RGL1: variants seen among roughly 807,000 people sequenced by gnomAD.
RGL1 encodes the protein ral guanine nucleotide dissociation stimulator-like 1.
A neutral mutation model predicts 95.2 loss-of-function variants in RGL1; 24 were observed. That is an observed-to-expected ratio of 0.25 (90% CI 0.18 to 0.35). The LOEUF (loss-of-function observed/expected upper bound fraction) is 0.35, where lower values mean the gene tolerates loss of function less well. Among genes scored for constraint, RGL1 ranks in the 10% least tolerant of loss-of-function variants. The pLI is 1.00. For synonymous variants in RGL1, 329 were observed against 344.9 expected, an observed-to-expected ratio of 0.95 and a Z score of 0.51; for missense variants, 715 against 936.3, an observed-to-expected ratio of 0.76 and a Z score of 3.08.
intron 14 of RGL1, among the ~76,000 whole-genome samples, chr1:183,907,598 C>T (rs1235692352): frequency 6.6e-6 from 1 of 152,162 alleles, no homozygotes; most frequent in Non-Finnish European, 1.5e-5. Context: ...CTGAAATGCT[C>T]TTTCTTCATG....
chr1:183,860,819 C>A (rs531975398), intron 3 of RGL1, among the ~76,000 whole-genome samples: 42 of 152,286 alleles, frequency 2.8e-4, no homozygotes, highest in African/African-American at 1.0e-3. Context: ...TTGTTTGCTG[C>A]TGTATCCTCA....
intron 6 of RGL1, 147 bp from the exon 7 acceptor site, chr1:183,884,576 G>A: frequency 1.5e-6 from 1 of 656,746 alleles, no homozygotes; most frequent in South Asian, 1.9e-5. Flanking sequence ...ACTTTTGTCT[G>A]TTGAAATGGA....
intron 7 of RGL1, among the ~76,000 whole-genome samples, chr1:183,885,570 T>C (rs1365540700): frequency 6.6e-6 from 1 of 152,200 alleles, no homozygotes; most frequent in East Asian, 1.9e-4. Flanking sequence ...ACTGCTTACA[T>C]ACCATAGGAC....
intron 1 of RGL1, among the ~76,000 whole-genome samples, chr1:183,734,622 T>G (rs1190761109): frequency 6.6e-6 from 1 of 152,170 alleles, no homozygotes; most frequent in Non-Finnish European, 1.5e-5. Context: ...CTCCTAATGG[T>G]TTTTGCATTT....
At chr1:183,652,958 T>C (rs1317835104) in intron 1 of RGL1, 1 of 152,234 alleles carries the variant, frequency 6.6e-6, no homozygotes, top group African/African-American at 2.4e-5. Flanking sequence ...TAGGATTTAG[T>C]GAGTACTGTT....
At chr1:183,810,878 C>CTGG (rs1661663893) in intron 2 of RGL1, among the ~76,000 whole-genome samples, 1 of 152,172 alleles carries the variant, frequency 6.6e-6, no homozygotes, top group Non-Finnish European at 1.5e-5. Context: ...TTCTGCGTCT[C>CTGG]ACTGTTGTGC....
intron 4 of RGL1, among the ~76,000 whole-genome samples, chr1:183,877,705 A>G (rs1013684453): frequency 2.6e-5 from 4 of 152,186 alleles, no homozygotes; most frequent in African/African-American, 9.7e-5. Context: ...CTGATTGAGT[A>G]TCTGAGTTTG....
intron 1 of RGL1, among the ~76,000 whole-genome samples, chr1:183,738,526 C>CA (rs1371145681): frequency 6.6e-6 from 1 of 152,074 alleles, no homozygotes; most frequent in Admixed American, 6.5e-5. Flanking sequence ...TTAATTTTAA[C>CA]AAAAAAATGA....
rs1003506975 is a variant in RGL1 at position 183,926,929 on chromosome 1, T to A, written c.*637T>A. On this transcript the variant is annotated 3_prime_UTR_variant, in exon 18 of 18. Coordinates refer to ENST00000360851, the MANE Select transcript of RGL1 (RefSeq NM_001297671.3). Reference sequence around the variant, plus strand: ...GGATGAGCTGGTGGCCTTCAACCTCTGCCTGCATCTGCCACTTTCTGCTAC... The same window carrying A: ...GGATGAGCTGGTGGCCTTCAACCTCAGCCTGCATCTGCCACTTTCTGCTAC... 2 of 152,662 alleles carry A rather than the reference T, an allele frequency of 1.3e-5. No individual in the cohort carries two copies. The highest frequency in any genetic ancestry group is 2.9e-5 in the Non-Finnish European group (2 of 68,086). The allele number at this position is 152,662 out of a possible 1,614,324, so 9.5% of individuals were successfully genotyped here. A position where few individuals can be genotyped will look rare whatever the true frequency, so the allele number is the denominator to read the frequency against.
chr1:183,901,867 AC>A (rs1668045551), intron 11 of RGL1, among the ~76,000 whole-genome samples: 1 of 152,106 alleles, frequency 6.6e-6, no homozygotes. Context: ...AGTATATACT[AC>A]CCCCTTGTTA....
intron 10 of RGL1, among the ~76,000 whole-genome samples, chr1:183,899,312 A>G (rs1667882860): frequency 6.6e-6 from 1 of 152,138 alleles, no homozygotes; most frequent in Admixed American, 6.6e-5. Flanking sequence ...CCAGGACCCA[A>G]TCCGGCATAC....
intron 2 of RGL1, among the ~76,000 whole-genome samples, chr1:183,845,484 AT>A (rs1664359592): frequency 6.6e-6 from 1 of 152,232 alleles, no homozygotes; most frequent in African/African-American, 2.4e-5. Context: ...CCAAGGTACA[AT>A]TATATCTACC....
chr1:183,845,565 T>C (rs1215432019), intron 2 of RGL1, among the ~76,000 whole-genome samples: 3 of 152,214 alleles, frequency 2.0e-5, no homozygotes, highest in African/African-American at 7.2e-5. Context: ...TTTTAGACTT[T>C]GCAAGTTTCC....
intron 14 of RGL1, among the ~76,000 whole-genome samples, chr1:183,909,457 AG>A (rs1668524191): frequency 1.3e-5 from 2 of 152,196 alleles, no homozygotes; most frequent in Middle Eastern, 3.2e-3. Flanking sequence ...GAGGACCACT[AG>A]TTGACATCCT....
chr1:183,808,043 CCT>C (rs1376367040), intron 2 of RGL1, among the ~76,000 whole-genome samples: 2 of 152,208 alleles, frequency 1.3e-5, no homozygotes, highest in Admixed American at 6.5e-5. Context: ...TCAGGTTATT[CCT>C]CTCTTTCTAA....
Position 183,927,924 on chromosome 1 carries a change from T to G in RGL1, c.*1632T>G, listed in dbSNP as rs1443578908. ...GAAGCACCAGGGAAAGTTTAGAGAT[T>G]TGCGGCAATGGACCGAAGAACGGGC... On this transcript the variant is annotated 3_prime_UTR_variant, in exon 18 of 18. Transcript: ENST00000360851. 6.6e-6 allele frequency: 1 copy of G among 152,590 alleles called. No individual in the cohort carries two copies. The highest frequency in any genetic ancestry group is 2.4e-5 in the African/African-American group (1 of 41,434). The allele number at this position is 152,590 out of a possible 1,614,324, so 9.5% of individuals were successfully genotyped here.
At chr1:183,829,633 AC>A (rs1418718055) in intron 2 of RGL1, among the ~76,000 whole-genome samples, 1 of 151,884 alleles carries the variant, frequency 6.6e-6, no homozygotes, top group Non-Finnish European at 1.5e-5. Flanking sequence ...CCTGCTTAAA[AC>A]CCTTTAAAAG....
intron 2 of RGL1, among the ~76,000 whole-genome samples, chr1:183,820,773 A>T (rs1038864045): frequency 2.0e-5 from 3 of 152,216 alleles, no homozygotes; most frequent in Non-Finnish European, 4.4e-5. Context: ...TAGTGATCAC[A>T]TGTTAAAATG....
chr1:183,844,280 T>C (rs1664267940), intron 2 of RGL1, among the ~76,000 whole-genome samples: 1 of 152,368 alleles, frequency 6.6e-6, no homozygotes, highest in African/African-American at 2.4e-5. Flanking sequence ...AAAATAAAAA[T>C]TAACATTATA....
Sources: allele counts gnomAD v4.1 joint callset (sites outside exome capture counted in the v4.1 genomes callset), GRCh38; gene constraint gnomAD v4.1.1; transcripts MANE v1.5; gene names NCBI Gene and HGNC (gene_info 2026-07-23, HGNC 2026-07-21).